Variants in TMEM132B observed in about 807,000 individuals in gnomAD.
The protein encoded by TMEM132B is transmembrane protein 132B.
TMEM132B carries 18 observed loss-of-function variants against 90.8 expected under a neutral mutation model. That is an observed-to-expected ratio of 0.20 (90% CI 0.14 to 0.29). TMEM132B has a LOEUF of 0.29. Among genes scored for constraint, TMEM132B ranks in the 10% least tolerant of loss-of-function variants. TMEM132B has a pLI of 1.00. For missense variants in TMEM132B, 1,096 were observed against 1,326.8 expected, an observed-to-expected ratio of 0.83 and a Z score of 2.70; for synonymous variants, 504 against 523.3, an observed-to-expected ratio of 0.96 and a Z score of 0.50.
intron 1 of TMEM132B, among the ~76,000 whole-genome samples, chr12:125,258,733 G>T (rs1479588131): frequency 6.6e-6 from 1 of 152,180 alleles, no homozygotes. Flanking sequence ...CATGGGACGC[G>T]GTATGCTGCT....
rs534740773 is a variant in TMEM132B, at chr12:125,655,671, C to A, written c.*961C>A. The A allele has an allele frequency of 6.6e-6, 1 of 152,196 alleles. No individual in the cohort carries two copies. The highest frequency in any genetic ancestry group is 1.5e-5 in the Non-Finnish European group (1 of 68,038). 9.4% of individuals were successfully genotyped at this position (152,196 alleles called of 1,614,324 possible). A position where few individuals can be genotyped will look rare whatever the true frequency, so the allele number is the denominator to read the frequency against. On this transcript the variant is annotated 3_prime_UTR_variant, in exon 9 of 9. Transcript: ENST00000682704. ...CAACATAGCTGTATTTATACAAGTG[C>A]TTTGTGGCCAACACAATTTACTATC...
intron 5 of TMEM132B, among the ~76,000 whole-genome samples, chr12:125,633,350 G>C (rs1271081791): frequency 6.6e-6 from 1 of 152,130 alleles, no homozygotes; most frequent in Non-Finnish European, 1.5e-5. Context: ...ATTTCTTTGA[G>C]TTTCCTCAAG....
intron 3 of TMEM132B, among the ~76,000 whole-genome samples, chr12:125,454,792 G>A (rs778356410): frequency 4.6e-5 from 7 of 152,106 alleles, no homozygotes; most frequent in Non-Finnish European, 1.0e-4. Flanking sequence ...ATGATGCCTC[G>A]CTTGATGTTT....
chr12:125,495,746 A>G (rs1882544814), intron 3 of TMEM132B, among the ~76,000 whole-genome samples: 1 of 152,170 alleles, frequency 6.6e-6, no homozygotes, highest in Non-Finnish European at 1.5e-5. Flanking sequence ...CCTTCATGGC[A>G]CTAAACCCCT....
intron 5 of TMEM132B, among the ~76,000 whole-genome samples, chr12:125,611,703 G>A (rs1566089031): frequency 6.6e-6 from 1 of 151,816 alleles, no homozygotes; most frequent in Non-Finnish European, 1.5e-5. Context: ...CAAAATATTT[G>A]TTAATTTCTC....
intron 3 of TMEM132B, among the ~76,000 whole-genome samples, chr12:125,515,138 TCACA>T (rs1036125418): frequency 8.2e-4 from 124 of 152,136 alleles, no homozygotes; most frequent in African/African-American, 2.4e-3. Flanking sequence ...GCAGACACAC[TCACA>T]CAAACACATA....
intron 1 of TMEM132B, among the ~76,000 whole-genome samples, chr12:125,344,001 G>A (rs900768308): frequency 6.6e-6 from 1 of 152,198 alleles, no homozygotes; most frequent in Admixed American, 6.5e-5. Context: ...CTTAATTGAT[G>A]GACATTCATT....
chr12:125,365,661 T>G (rs947646808), intron 2 of TMEM132B, among the ~76,000 whole-genome samples: 3 of 152,094 alleles, frequency 2.0e-5, no homozygotes, highest in Non-Finnish European at 4.4e-5. Context: ...CAGAAGATTT[T>G]TTTTTGCTAT....
At chr12:125,368,816 T>C (rs1317720038) in intron 2 of TMEM132B, among the ~76,000 whole-genome samples, 1 of 152,098 alleles carries the variant, frequency 6.6e-6, no homozygotes, top group Admixed American at 6.5e-5. Flanking sequence ...ACAATTTTTT[T>C]TTACATTCAA....
intron 1 of TMEM132B, among the ~76,000 whole-genome samples, chr12:125,327,869 T>TA (rs1317558281): frequency 6.6e-6 from 1 of 152,208 alleles, no homozygotes; most frequent in Middle Eastern, 3.2e-3. Context: ...GGGCTCTACA[T>TA]AGCTAAGAGT....
In TMEM132B at chr12:125,415,694, C is replaced by G; in HGVS notation, c.1106+17C>G. On this transcript the variant is annotated intron_variant, in intron 3 of 8. Transcript: ENST00000682704. The surrounding 1 kb of genome is among the most constrained non-coding windows in gnomAD (Gnocchi z 5.3). ...GCAGAGCAGGTAAGCATGGAGATCCCCAAGGCACCTCCGCAGTGGGGAGGA... is the reference window on the plus strand; with the variant it reads ...GCAGAGCAGGTAAGCATGGAGATCCGCAAGGCACCTCCGCAGTGGGGAGGA... 1 of 1,613,358 alleles carries G rather than the reference C, an allele frequency of 6.2e-7. No individual in the cohort carries two copies. The highest frequency in any genetic ancestry group is 8.5e-7 in the Non-Finnish European group (1 of 1,179,644).
chr12:125,289,833 G>C (rs549274197), intron 1 of TMEM132B, among the ~76,000 whole-genome samples: 8 of 152,334 alleles, frequency 5.3e-5, no homozygotes, highest in African/African-American at 1.9e-4. Flanking sequence ...GGGCCACACT[G>C]TCTCTGGACA....
rs143298141 is a variant in TMEM132B, at chr12:125,422,503, G to T, written c.1106+6826G>T. 2.3e-3 allele frequency among the ~76,000 whole-genome samples: 344 copies of T among 152,336 alleles called. 2 individuals carry two copies. Among genetic ancestry groups the T allele is most frequent in the African/African-American group, 7.7e-3 (319 of 41,562 alleles). On this transcript the variant is annotated intron_variant, in intron 3 of 8. Transcript: ENST00000682704. ...CCACCTGGCATGTGGAAGTAGGGGA[G>T]GTAGGTGGTCAAAGCATGCCCCCTC...
chr12:125,515,792 T>G (rs554442035), intron 3 of TMEM132B, among the ~76,000 whole-genome samples: 3 of 149,974 alleles, frequency 2.0e-5, no homozygotes, highest in East Asian at 4.1e-4. Context: ...CTCTTTCACA[T>G]TCACACAAAT....
intron 4 of TMEM132B, among the ~76,000 whole-genome samples, chr12:125,557,779 G>C (rs1228925231): frequency 2.0e-5 from 3 of 152,150 alleles, no homozygotes; most frequent in Non-Finnish European, 4.4e-5. Context: ...CAGGGTGATG[G>C]GTTAGACAGT....
In TMEM132B at chr12:125,659,443, A is replaced by T. The variant is rs536922860; in HGVS notation, c.*4733A>T. 2.0e-5 allele frequency: 3 copies of T among 152,412 alleles called. No homozygotes were observed. The South Asian group carries it at 6.2e-4, about 32-fold the overall frequency. 9.4% of individuals were successfully genotyped at this position (152,412 alleles called of 1,614,324 possible). ...TATGTATCTGGGGCAGGGGCTTTGT[A>T]CTGGGCCCAGGGTGCTGAGCTTTCC... On this transcript the variant is annotated 3_prime_UTR_variant, in exon 9 of 9. Transcript: ENST00000682704.
chr12:125,411,821 A>G (rs548411928), intron 2 of TMEM132B, among the ~76,000 whole-genome samples: 1 of 152,210 alleles, frequency 6.6e-6, no homozygotes, highest in African/African-American at 2.4e-5. Flanking sequence ...AACTTCACTA[A>G]GGGGAAGCAG....
intron 4 of TMEM132B, among the ~76,000 whole-genome samples, chr12:125,570,689 A>G (rs1481474394): frequency 6.6e-6 from 1 of 152,238 alleles, no homozygotes; most frequent in Non-Finnish European, 1.5e-5. Context: ...AGCGTTATAT[A>G]ATACACAACA....
Position 125,329,904 on chromosome 12 carries a change from C to T in TMEM132B, c.68-19548C>T, listed in dbSNP as rs116784375. ...TACCCGATCTTCACTGGAAGGAATG[C>T]GACAGATACAGGCAAAAATCAGTTC... On this transcript the variant is annotated intron_variant, in intron 1 of 8. Transcript: ENST00000682704. Among the ~76,000 whole-genome samples the T allele has an allele frequency of 4.4e-3, 675 of 152,284 alleles. 5 individuals are homozygous for T. Among genetic ancestry groups the T allele is most frequent in the African/African-American group, 0.015 (638 of 41,548 alleles).
Sources: allele counts gnomAD v4.1 joint callset (sites outside exome capture counted in the v4.1 genomes callset), GRCh38; gene constraint gnomAD v4.1.1; non-coding constraint Gnocchi (gnomAD v3.1); transcripts MANE v1.5; gene names NCBI Gene and HGNC (gene_info 2026-07-23, HGNC 2026-07-21).